Variants in PPP1R13B observed in about 807,000 individuals in gnomAD.
PPP1R13B encodes the protein apoptosis-stimulating of p53 protein 1.
PPP1R13B carries 44 observed loss-of-function variants against 119.8 expected under a neutral mutation model. That is an observed-to-expected ratio of 0.37 (90% CI 0.29 to 0.47). The LOEUF (loss-of-function observed/expected upper bound fraction) is 0.47, where lower values mean the gene tolerates loss of function less well. PPP1R13B is among the 20% of genes least tolerant of loss of function. The pLI is 0.99. For missense variants in PPP1R13B, 1,227 were observed against 1,413.5 expected (o/e 0.87, Z 2.12); for synonymous variants, 542 against 561.5 (o/e 0.97, Z 0.49).
chr14:103,755,468 A>C (rs945196351), intron 5 of PPP1R13B, among the ~76,000 whole-genome samples: 1 of 152,260 alleles, frequency 6.6e-6, no homozygotes, highest in Non-Finnish European at 1.5e-5. Flanking sequence ...TCTAAAAATA[A>C]CAATATATGC....
In PPP1R13B at chr14:103,847,462, G is replaced by A; in HGVS notation, c.-155C>T. ...GGCGGCAGCTGCGGCGGGCTGCGGGGCTCTCGCTGGCCCTGTCGCGGCCGC... is the reference window on the plus strand; with the variant it reads ...GGCGGCAGCTGCGGCGGGCTGCGGGACTCTCGCTGGCCCTGTCGCGGCCGC... On this transcript the variant is annotated 5_prime_UTR_variant, in exon 1 of 17. Coordinates refer to ENST00000202556, the MANE Select transcript of PPP1R13B (RefSeq NM_015316.3). 3.0e-6 allele frequency: 3 copies of A among 994,564 alleles called. No homozygotes were observed. The highest frequency in any genetic ancestry group is 9.0e-5 in the South Asian group (2 of 22,188). 61.6% of individuals were successfully genotyped at this position (994,564 alleles called of 1,614,324 possible).
intron 4 of PPP1R13B, among the ~76,000 whole-genome samples, chr14:103,765,369 C>CT (rs1358386145): frequency 3.3e-5 from 5 of 152,110 alleles, no homozygotes; most frequent in Non-Finnish European, 7.4e-5. Flanking sequence ...ATGCTCGTTC[C>CT]TTTTTGCACT....
intron 7 of PPP1R13B, among the ~76,000 whole-genome samples, chr14:103,751,201 G>A (rs1246385177): frequency 6.6e-6 from 1 of 152,158 alleles, no homozygotes; most frequent in Non-Finnish European, 1.5e-5. Flanking sequence ...CTGGACTGCA[G>A]TCCAAAAAGT....
chr14:103,785,855 A>T (rs917979476), intron 2 of PPP1R13B, among the ~76,000 whole-genome samples: 1 of 152,030 alleles, frequency 6.6e-6, no homozygotes, highest in South Asian at 2.1e-4. Flanking sequence ...TGACCAGGCC[A>T]TGTTATTTCT....
chr14:103,734,457 A>C lies in PPP1R13B; in HGVS notation c.*697T>G. 4.4e-6 allele frequency: 2 copies of C among 453,816 alleles called. No homozygotes were observed. Among genetic ancestry groups the C allele is most frequent in the South Asian group, 3.1e-5 (2 of 64,380 alleles). 28.1% of individuals were successfully genotyped at this position (453,816 alleles called of 1,614,324 possible). A position where few individuals can be genotyped will look rare whatever the true frequency, so the allele number is the denominator to read the frequency against. On this transcript the variant is annotated 3_prime_UTR_variant, in exon 17 of 17. Coordinates refer to ENST00000202556, the MANE Select transcript of PPP1R13B (RefSeq NM_015316.3). ...GGCTGTGAGATCGGAGGAGAAGAGTATATGCTGAGGCTCTCCCAGTTGTCA... is the reference window on the plus strand; with the variant it reads ...GGCTGTGAGATCGGAGGAGAAGAGTCTATGCTGAGGCTCTCCCAGTTGTCA...
chr14:103,839,359 G>A (rs891748089), intron 1 of PPP1R13B, among the ~76,000 whole-genome samples: 2 of 151,934 alleles, frequency 1.3e-5, no homozygotes, highest in South Asian at 4.1e-4. Context: ...GGGCACAGTG[G>A]CTCACGCCTG....
chr14:103,769,582 A>T (rs1439075244), intron 4 of PPP1R13B, among the ~76,000 whole-genome samples: 1 of 152,198 alleles, frequency 6.6e-6, no homozygotes, highest in East Asian at 1.9e-4. Flanking sequence ...TTCTCAAGTA[A>T]AATGTCATTT....
intron 4 of PPP1R13B, among the ~76,000 whole-genome samples, chr14:103,759,460 T>C (rs1289658823): frequency 1.3e-5 from 2 of 151,616 alleles, no homozygotes; most frequent in South Asian, 2.1e-4. Flanking sequence ...CAAGCCACCA[T>C]GCCTGGCTGA....
intron 9 of PPP1R13B, among the ~76,000 whole-genome samples, chr14:103,744,983 C>G (rs957091326): frequency 6.6e-6 from 1 of 152,238 alleles, no homozygotes; most frequent in Non-Finnish European, 1.5e-5. Flanking sequence ...GGGAGTTTCT[C>G]AAAGGAAGTC....
rs373663881 is a variant in PPP1R13B at position 103,791,976 on chromosome 14, T to G, written c.157+5395A>C. On this transcript the variant is annotated intron_variant, in intron 2 of 16. Coordinates refer to ENST00000202556, the MANE Select transcript of PPP1R13B (RefSeq NM_015316.3). Reference sequence around the variant, plus strand: ...ATTTAGTAGCTTTATTTTTAGTTGTTTTACTAATCAACATTGTCAGTAAAT... The same window carrying G: ...ATTTAGTAGCTTTATTTTTAGTTGTGTTACTAATCAACATTGTCAGTAAAT... 2.6e-3 allele frequency among the ~76,000 whole-genome samples: 397 copies of G among 152,284 alleles called. 1 individual carries two copies. The highest frequency in any genetic ancestry group is 9.1e-3 in the African/African-American group (379 of 41,578).
Position 103,738,644 on chromosome 14 carries a change from T to G in PPP1R13B, c.2864+35A>C. On this transcript the variant is annotated intron_variant, in intron 14 of 16. Transcript: ENST00000202556. The surrounding 1 kb of genome is among the most constrained non-coding windows in gnomAD (Gnocchi z 5.6). Reference sequence around the variant, plus strand: ...TTTTCCTTATGCAAAGCAGGGAAAGTAAATCTGTCCACCCCACACTCCTAC... The same window carrying G: ...TTTTCCTTATGCAAAGCAGGGAAAGGAAATCTGTCCACCCCACACTCCTAC... The G allele has an allele frequency of 6.2e-7, 1 of 1,609,636 alleles. No individual in the cohort carries two copies. Among genetic ancestry groups the G allele is most frequent in the Non-Finnish European group, 8.5e-7 (1 of 1,176,340 alleles).
intron 15 of PPP1R13B, chr14:103,736,435 A>G: frequency 1.7e-6 from 1 of 587,588 alleles, no homozygotes; most frequent in Non-Finnish European, 3.0e-6. Context: ...TGCAGGACAG[A>G]CAGGACAAAC....
chr14:103,846,361 A>C (rs1052636269), intron 1 of PPP1R13B, among the ~76,000 whole-genome samples: 1 of 152,228 alleles, frequency 6.6e-6, no homozygotes, highest in African/African-American at 2.4e-5. Flanking sequence ...GGCAATATTC[A>C]AGTAGAGAAT....
intron 3 of PPP1R13B, among the ~76,000 whole-genome samples, chr14:103,781,104 G>A (rs1350515212): frequency 2.6e-5 from 4 of 151,838 alleles, no homozygotes; most frequent in Non-Finnish European, 4.4e-5. Flanking sequence ...TACTCAGCCC[G>A]TTTCCAAACT....
intron 7 of PPP1R13B, among the ~76,000 whole-genome samples, 174 bp from the exon 8 acceptor site, chr14:103,750,108 C>T (rs1398756730): frequency 2.0e-5 from 3 of 152,202 alleles, no homozygotes; most frequent in Admixed American, 6.5e-5. Context: ...GCCAGGACAG[C>T]GTTCTCATGG....
intron 2 of PPP1R13B, among the ~76,000 whole-genome samples, chr14:103,791,789 T>C (rs1273831605): frequency 2.0e-5 from 3 of 152,294 alleles, no homozygotes; most frequent in Admixed American, 1.3e-4. Context: ...GTTTTGAAAG[T>C]AGCATTTTTT....
rs76610875 is a variant in PPP1R13B, at chr14:103,755,769, A to T, written c.457-1525T>A. ...AAAAAATAAAAAGCAGAATTAGAAA[A>T]TTTTTACAATGACATAATACTATGT... On this transcript the variant is annotated intron_variant, in intron 5 of 16. Transcript: ENST00000202556. Among the ~76,000 whole-genome samples, 920 of 152,326 alleles carry T rather than the reference A, an allele frequency of 6.0e-3. 11 individuals carry two copies. Among genetic ancestry groups the T allele is most frequent in the African/African-American group, 0.021 (865 of 41,576 alleles).
At chr14:103,813,838 T>C (rs992517625) in intron 1 of PPP1R13B, among the ~76,000 whole-genome samples, 2 of 152,150 alleles carry the variant, frequency 1.3e-5, no homozygotes, top group African/African-American at 2.4e-5. Context: ...GTTTGAAAGA[T>C]ACTACTCTGA....
chr14:103,847,513 C>T lies in PPP1R13B; in HGVS notation c.-206G>A. ...CGGCGCGCTGCGTCGCTGTCCCGGG[C>T]ACCCGGCCGCCGCCGCCGCCGCCTC... On this transcript the variant is annotated 5_prime_UTR_variant, in exon 1 of 17. Coordinates refer to ENST00000202556, the MANE Select transcript of PPP1R13B (RefSeq NM_015316.3). 3 of 985,074 alleles carry T rather than the reference C, an allele frequency of 3.0e-6. No individual in the cohort carries two copies. The highest frequency in any genetic ancestry group is 3.6e-6 in the Non-Finnish European group (3 of 830,702). The allele number at this position is 985,074 out of a possible 1,614,324, so 61.0% of individuals were successfully genotyped here.
Sources: allele counts gnomAD v4.1 joint callset (sites outside exome capture counted in the v4.1 genomes callset), GRCh38; gene constraint gnomAD v4.1.1; non-coding constraint Gnocchi (gnomAD v3.1); transcripts MANE v1.5; gene names NCBI Gene and HGNC (gene_info 2026-07-23, HGNC 2026-07-21).